The following DOK5 variants were observed in gnomAD, a reference collection of about 807,000 sequenced individuals.
The protein encoded by DOK5 is downstream of tyrosine kinase 5.
A neutral mutation model predicts 43.3 loss-of-function variants in DOK5; 27 were observed. The ratio of observed to expected loss-of-function variants is 0.62; its 90% CI spans 0.46 to 0.86. The LOEUF is 0.86. Among genes scored for constraint, DOK5 ranks in the 40% least tolerant of loss-of-function variants. The pLI, the probability that DOK5 is intolerant of heterozygous loss-of-function variation, is 0.00. For synonymous variants in DOK5, 146 were observed against 140.1 expected, an observed-to-expected ratio of 1.04 and a Z score of -0.30; for missense variants, 373 against 392.9, an observed-to-expected ratio of 0.95 and a Z score of 0.43.
chr20:54,574,933 G>A (rs1451234675), intron 2 of DOK5, among the ~76,000 whole-genome samples: 1 of 152,184 alleles, frequency 6.6e-6, no homozygotes, highest in Non-Finnish European at 1.5e-5. Flanking sequence ...ACCTCCAAGT[G>A]ATCAAGCTGA....
intron 1 of DOK5, among the ~76,000 whole-genome samples, chr20:54,554,257 T>C (rs16999764): frequency 0.17 from 25,512 of 152,094 alleles, 2,650 homozygotes; most frequent in African/African-American, 0.31. Flanking sequence ...TTACCTAGAG[T>C]AGAAATGATC....
intron 4 of DOK5, among the ~76,000 whole-genome samples, chr20:54,589,938 C>T (rs891659569): frequency 2.6e-5 from 4 of 152,072 alleles, no homozygotes; most frequent in Non-Finnish European, 4.4e-5. Context: ...AAGTCATTGA[C>T]GGGGTTACAC....
chr20:54,602,030 T>C (rs1292240890), intron 5 of DOK5, among the ~76,000 whole-genome samples: 3 of 152,200 alleles, frequency 2.0e-5, no homozygotes, highest in Non-Finnish European at 4.4e-5. Context: ...TCATTCTTGC[T>C]TCCCTACTGC....
intron 4 of DOK5, among the ~76,000 whole-genome samples, chr20:54,590,517 G>T (rs1024003839): frequency 1.3e-5 from 2 of 151,752 alleles, no homozygotes; most frequent in Non-Finnish European, 2.9e-5. Context: ...AACTTTCAAG[G>T]GGGGGGAATA....
chr20:54,539,677 C>T (rs555523055), intron 1 of DOK5, among the ~76,000 whole-genome samples: 1 of 152,284 alleles, frequency 6.6e-6, no homozygotes, highest in African/African-American at 2.4e-5. Context: ...CCATGAGCCA[C>T]AGAGCTAAGT....
chr20:54,565,613 C>T (rs1462469402), intron 2 of DOK5, among the ~76,000 whole-genome samples: 1 of 152,144 alleles, frequency 6.6e-6, no homozygotes, highest in African/African-American at 2.4e-5. Context: ...AACATTGTCT[C>T]TTAAGAAAAC....
intron 5 of DOK5, among the ~76,000 whole-genome samples, chr20:54,608,626 T>C (rs1024512341): frequency 1.3e-5 from 2 of 152,086 alleles, no homozygotes; most frequent in Admixed American, 1.3e-4. Flanking sequence ...GATTAGCTTA[T>C]TGAAAGAGCC....
intron 2 of DOK5, among the ~76,000 whole-genome samples, chr20:54,558,042 G>A (rs1984772819): frequency 6.6e-6 from 1 of 152,204 alleles, no homozygotes; most frequent in Non-Finnish European, 1.5e-5. Context: ...GTTATCAGTA[G>A]AGGAAATGGA....
intron 7 of DOK5, among the ~76,000 whole-genome samples, chr20:54,649,401 GA>G (rs905678980): frequency 2.0e-5 from 3 of 151,360 alleles, no homozygotes; most frequent in Non-Finnish European, 4.4e-5. Flanking sequence ...CAGCCGGGGC[GA>G]AAAAAAATAC....
At chr20:54,643,100 A>C (rs1979200540) in intron 6 of DOK5, among the ~76,000 whole-genome samples, 1 of 152,176 alleles carries the variant, frequency 6.6e-6, no homozygotes, top group Admixed American at 6.5e-5. Flanking sequence ...TCTTCCACAA[A>C]AATGCTAACA....
At chr20:54,632,811 TCA>T (rs1315235801) in intron 6 of DOK5, among the ~76,000 whole-genome samples, 7 of 152,170 alleles carry the variant, frequency 4.6e-5, no homozygotes, top group African/African-American at 1.7e-4. Context: ...GAGCAGTGGC[TCA>T]CACCTGGAAT....
chr20:54,624,180 A>G (rs958343942), intron 6 of DOK5, among the ~76,000 whole-genome samples: 1 of 152,226 alleles, frequency 6.6e-6, no homozygotes, highest in African/African-American at 2.4e-5. Context: ...GTGCAACAAG[A>G]AAACAATATG....
At chr20:54,617,189 C>A (rs1416744027) in intron 6 of DOK5, among the ~76,000 whole-genome samples, 1 of 152,140 alleles carries the variant, frequency 6.6e-6, no homozygotes, top group Non-Finnish European at 1.5e-5. Context: ...TGGACAGAGG[C>A]CACTCTCAGC....
At chr20:54,630,916 C>A (rs74915075) in intron 6 of DOK5, among the ~76,000 whole-genome samples, 2,994 of 152,004 alleles carry the variant, frequency 0.02, 34 homozygotes, top group Middle Eastern at 0.051. Flanking sequence ...TAGTAGGTCC[C>A]AGGATGAAAA....
intron 1 of DOK5, among the ~76,000 whole-genome samples, chr20:54,493,362 C>G (rs1982268546): frequency 6.6e-6 from 1 of 152,082 alleles, no homozygotes; most frequent in Non-Finnish European, 1.5e-5. Context: ...CACGCGCTTT[C>G]CTTTGTCACC....
At chr20:54,609,013 T>C (rs1986557849) in intron 5 of DOK5, among the ~76,000 whole-genome samples, 1 of 152,172 alleles carries the variant, frequency 6.6e-6, no homozygotes, top group South Asian at 2.1e-4. Flanking sequence ...ATTCATAAAA[T>C]TCATGAAATT....
intron 1 of DOK5, among the ~76,000 whole-genome samples, chr20:54,540,258 TG>T (rs1984106297): frequency 6.6e-6 from 1 of 152,154 alleles, no homozygotes; most frequent in Admixed American, 6.5e-5. Flanking sequence ...TGCGAGGGCC[TG>T]GAGTGCCTTG....
chr20:54,633,753 A>C (rs897859341), intron 6 of DOK5, among the ~76,000 whole-genome samples: 1 of 152,242 alleles, frequency 6.6e-6, no homozygotes, highest in African/African-American at 2.4e-5. Flanking sequence ...TGAAAATTTA[A>C]GAGCTTGATG....
chr20:54,550,117 C>T (rs1017721233), intron 1 of DOK5, among the ~76,000 whole-genome samples: 3 of 149,382 alleles, frequency 2.0e-5, no homozygotes, highest in Non-Finnish European at 2.9e-5. Flanking sequence ...TTACCAATGG[C>T]TCTTGTAACT....
Sources: allele counts gnomAD v4.1 joint callset (sites outside exome capture counted in the v4.1 genomes callset), GRCh38; gene constraint gnomAD v4.1.1; transcripts MANE v1.5; gene names NCBI Gene and HGNC (gene_info 2026-07-23, HGNC 2026-07-21).